EPB41L4B: variants seen among roughly 807,000 people sequenced by gnomAD.
EPB41L4B encodes the protein band 4.1-like protein 4B.
A neutral mutation model predicts 112.5 loss-of-function variants in EPB41L4B; 30 were observed. The observed-to-expected ratio is 0.27, with a 90% CI of 0.20 to 0.36. EPB41L4B has a LOEUF of 0.36. Among genes scored for constraint, EPB41L4B ranks in the 10% least tolerant of loss-of-function variants. The pLI is 1.00. For synonymous variants in EPB41L4B, 408 were observed against 439.7 expected, an observed-to-expected ratio of 0.93 and a Z score of 0.90; for missense variants, 1,024 against 1,133.3, an observed-to-expected ratio of 0.90 and a Z score of 1.38.
At chr9:109,264,175 C>T (rs569379787) in intron 5 of EPB41L4B, among the ~76,000 whole-genome samples, 2 of 152,276 alleles carry the variant, frequency 1.3e-5, no homozygotes, top group South Asian at 2.1e-4. Context: ...TTCTATTGGT[C>T]TATGGAGTAC....
intron 19 of EPB41L4B, among the ~76,000 whole-genome samples, chr9:109,201,129 G>A (rs995934805): frequency 2.0e-5 from 3 of 152,172 alleles, no homozygotes; most frequent in Non-Finnish European, 4.4e-5. Context: ...GCTCAATATG[G>A]TGATAAGTAT....
In EPB41L4B at chr9:109,317,043, C is replaced by T. The variant is rs541399238; in HGVS notation, c.306+3098G>A. ...TTGCTTGCGGCTAGGAGATTAAGAC[C>T]GTAGTGAGCTGTGGTCGTACTACTG... On this transcript the variant is annotated intron_variant, in intron 1 of 25. Coordinates refer to ENST00000374566, the MANE Select transcript of EPB41L4B (RefSeq NM_019114.5). Among the ~76,000 whole-genome samples the T allele has an allele frequency of 2.6e-5, 4 of 152,090 alleles. No homozygotes were observed. The South Asian group carries it at 6.2e-4, about 24-fold the overall frequency.
At chr9:109,314,598 ACC>A (rs35638887) in intron 1 of EPB41L4B, among the ~76,000 whole-genome samples, 1 of 145,846 alleles carries the variant, frequency 6.9e-6, no homozygotes, top group East Asian at 2.0e-4. Flanking sequence ...GTATCACGAC[ACC>A]CCCTTTGGGA....
At chr9:109,296,688 T>G (rs1836741753) in intron 1 of EPB41L4B, among the ~76,000 whole-genome samples, 1 of 151,828 alleles carries the variant, frequency 6.6e-6, no homozygotes, top group African/African-American at 2.4e-5. Flanking sequence ...GAATTCAAGA[T>G]TGGCATGGGC....
Position 109,241,470 on chromosome 9 carries a change from T to C in EPB41L4B, c.1409+2148A>G, listed in dbSNP as rs1834350351. ...GCCTTTACCTTCATTTTAATGAGAATGCAGTCAACAGTAAATTATGACAAG... is the reference window on the plus strand; with the variant it reads ...GCCTTTACCTTCATTTTAATGAGAACGCAGTCAACAGTAAATTATGACAAG... On this transcript the variant is annotated intron_variant, in intron 15 of 25. Coordinates refer to ENST00000374566, the MANE Select transcript of EPB41L4B (RefSeq NM_019114.5). 13 of 1,361,316 alleles carry C rather than the reference T, an allele frequency of 9.5e-6. No homozygotes were observed. The East Asian group carries it at 3.5e-4, about 37-fold the overall frequency. 84.3% of individuals were successfully genotyped at this position (1,361,316 alleles called of 1,614,324 possible). A position where few individuals can be genotyped will look rare whatever the true frequency, so the allele number is the denominator to read the frequency against.
At chr9:109,308,934 C>CCAT (rs200404143) in intron 1 of EPB41L4B, among the ~76,000 whole-genome samples, 2,324 of 152,142 alleles carry the variant, frequency 0.015, 46 homozygotes, top group East Asian at 0.096. Context: ...AAAAAATTAG[C>CCAT]GCGTGGTGGC....
intron 11 of EPB41L4B, among the ~76,000 whole-genome samples, chr9:109,254,313 C>T (rs1256221776): frequency 6.6e-6 from 1 of 152,198 alleles, no homozygotes; most frequent in African/African-American, 2.4e-5. Context: ...GGAGTGTCTC[C>T]GGTAACCTCT....
At chr9:109,186,734 C>T (rs1380325769) in intron 22 of EPB41L4B, among the ~76,000 whole-genome samples, 5 of 152,332 alleles carry the variant, frequency 3.3e-5, no homozygotes, top group Admixed American at 6.5e-5. Flanking sequence ...CCCACCTCCT[C>T]GGCCTCCCAA....
chr9:109,194,875 G>A (rs768472790), intron 20 of EPB41L4B, among the ~76,000 whole-genome samples: 179 of 152,222 alleles, frequency 1.2e-3, no homozygotes, highest in Non-Finnish European at 2.0e-3. Flanking sequence ...CGTCACATAA[G>A]TGGAATCACA....
At chr9:109,176,933 CA>C (rs1479678876) in intron 24 of EPB41L4B, among the ~76,000 whole-genome samples, 1 of 152,198 alleles carries the variant, frequency 6.6e-6, no homozygotes, top group Non-Finnish European at 1.5e-5. Flanking sequence ...TAGGCACCAT[CA>C]GTTGTAAGAT....
intron 15 of EPB41L4B, among the ~76,000 whole-genome samples, chr9:109,220,282 G>A (rs72761851): frequency 0.076 from 11,584 of 152,268 alleles, 564 homozygotes; most frequent in Non-Finnish European, 0.1. Flanking sequence ...GAAAGAGCAG[G>A]ATGTCTGGAG....
intron 8 of EPB41L4B, 64 bp downstream of exon 8, chr9:109,256,329 C>A (rs532048286): frequency 1.9e-6 from 3 of 1,593,542 alleles, no homozygotes; most frequent in Non-Finnish European, 1.7e-6. Context: ...ATTTTGTTTG[C>A]ATAATGTTCA....
intron 2 of EPB41L4B, among the ~76,000 whole-genome samples, chr9:109,276,227 G>C (rs1308361829): frequency 2.0e-5 from 3 of 148,348 alleles, no homozygotes; most frequent in African/African-American, 7.5e-5. Context: ...AGGCCAAACA[G>C]TCAAATGGCC....
At chr9:109,319,278 C>T (rs1396967524) in intron 1 of EPB41L4B, among the ~76,000 whole-genome samples, 2 of 152,180 alleles carry the variant, frequency 1.3e-5, no homozygotes, top group Non-Finnish European at 2.9e-5. Flanking sequence ...TCAGCTGGCG[C>T]GGGGCGGGGG....
Position 109,243,675 on chromosome 9 carries a change from T to C in EPB41L4B, c.1352A>G (p.Tyr451Cys), listed in dbSNP as rs896904136. ...NPEVHNYQPQ[Y>C]HPNIHPSQPR... is the part of the protein sequence containing the mutation. ...CTGGCTGGGATGGATATTAGGATGATATTGAGGCTAGAAATAAAACACCAA... is the reference window on the plus strand; with the variant it reads ...CTGGCTGGGATGGATATTAGGATGACATTGAGGCTAGAAATAAAACACCAA... The change falls in exon 15 of 26, where the codon TAT becomes TGT. Residue 451 changes from tyrosine (Y) to cysteine (C), a missense_variant. Tyr to Cys is a radical substitution (Grantham distance 194). Transcript: ENST00000374566. 6.2e-7 allele frequency: 1 copy of C among 1,614,160 alleles called. No individual in the cohort carries two copies. The highest frequency in any genetic ancestry group is 8.5e-7 in the Non-Finnish European group (1 of 1,179,986).
At chr9:109,238,751 T>C (rs1406953007) in intron 15 of EPB41L4B, among the ~76,000 whole-genome samples, 1 of 152,142 alleles carries the variant, frequency 6.6e-6, no homozygotes, top group Non-Finnish European at 1.5e-5. Context: ...TGGGAGAAGA[T>C]GTCTGGGCAG....
At chr9:109,206,511 T>C (rs906358023) in intron 18 of EPB41L4B, among the ~76,000 whole-genome samples, 1 of 152,210 alleles carries the variant, frequency 6.6e-6, no homozygotes, top group East Asian at 1.9e-4. Context: ...ATTTTTCTAA[T>C]GAAATCACGG....
chr9:109,186,316 T>C (rs1167115269), intron 22 of EPB41L4B, among the ~76,000 whole-genome samples: 1 of 152,034 alleles, frequency 6.6e-6, no homozygotes, highest in East Asian at 1.9e-4. Flanking sequence ...GCCCCCAAAG[T>C]AGCTGGGACT....
chr9:109,217,969 T>A (rs1467401823), intron 15 of EPB41L4B, among the ~76,000 whole-genome samples: 2 of 151,834 alleles, frequency 1.3e-5, no homozygotes, highest in African/African-American at 4.8e-5. Flanking sequence ...ATCTCCCACC[T>A]AGACTCTTGT....
Sources: gnomAD v4.1 joint callset for allele counts (sites outside exome capture counted in the v4.1 genomes callset) on GRCh38, gnomAD v4.1.1 for gene constraint, MANE v1.5 for transcripts, NCBI Gene and HGNC (gene_info 2026-07-23, HGNC 2026-07-21) for gene names.